Variants in CYTH1 observed in about 807,000 individuals in gnomAD.
CYTH1 encodes cytohesin 1.
CYTH1 carries 18 observed loss-of-function variants against 61.8 expected under a neutral mutation model. The ratio of observed to expected loss-of-function variants is 0.29; its 90% CI spans 0.20 to 0.43. CYTH1 has a LOEUF of 0.43. CYTH1 is among the 20% of genes least tolerant of loss of function. The probability of loss-of-function intolerance (pLI) is 1.00; values close to 1 mark genes in which losing one functional copy is unlikely to be tolerated. For missense variants in CYTH1, 336 were observed against 510.5 expected (o/e 0.66, Z 3.29); for synonymous variants, 174 against 184.3 (o/e 0.94, Z 0.45).
At chr17:78,721,795 G>A (rs2093231093) in intron 1 of CYTH1, among the ~76,000 whole-genome samples, 1 of 152,174 alleles carries the variant, frequency 6.6e-6, no homozygotes, top group Non-Finnish European at 1.5e-5. Flanking sequence ...TGTAATCCCA[G>A]CACTTTGGAA....
At chr17:78,725,327 C>T (rs1252185064) in intron 1 of CYTH1, among the ~76,000 whole-genome samples, 6 of 152,168 alleles carry the variant, frequency 3.9e-5, no homozygotes, top group South Asian at 2.1e-4. Flanking sequence ...TGATAAATTA[C>T]GTGATACAAA....
intron 1 of CYTH1, among the ~76,000 whole-genome samples, chr17:78,777,366 C>T (rs1022975359): frequency 3.3e-5 from 5 of 151,736 alleles, no homozygotes; most frequent in South Asian, 2.1e-4. Context: ...GGCAGTGAGC[C>T]GAGATTGCGC....
intron 11 of CYTH1, among the ~76,000 whole-genome samples, chr17:78,682,442 G>A (rs1205195535): frequency 6.6e-6 from 1 of 152,106 alleles, no homozygotes; most frequent in Non-Finnish European, 1.5e-5. Context: ...TTGATACTCG[G>A]TAAACTGCTT....
At chr17:78,720,476 G>A (rs1393756645) in intron 1 of CYTH1, among the ~76,000 whole-genome samples, 5 of 152,146 alleles carry the variant, frequency 3.3e-5, no homozygotes, top group South Asian at 4.1e-4. Context: ...CTGCCACCAC[G>A]CCCAGCTAAT....
chr17:78,727,555 G>A (rs375919195), intron 1 of CYTH1: 9 of 386,006 alleles, frequency 2.3e-5, no homozygotes, highest in Middle Eastern at 3.6e-4. Flanking sequence ...CCCCGAGTCC[G>A]GGTTTGCAAA....
At chr17:78,689,574 T>G (rs2092855192) in intron 11 of CYTH1, among the ~76,000 whole-genome samples, 1 of 152,176 alleles carries the variant, frequency 6.6e-6, no homozygotes, top group Non-Finnish European at 1.5e-5. Context: ...ACCGCTCGCC[T>G]GCCACTCACC....
At chr17:78,773,490 C>T (rs191158837) in intron 1 of CYTH1, among the ~76,000 whole-genome samples, 38 of 151,354 alleles carry the variant, frequency 2.5e-4, no homozygotes, top group African/African-American at 9.3e-4. Context: ...ATCAGCAGGG[C>T]ATGGTGGCGT....
chr17:78,751,613 T>C (rs1387655729), intron 1 of CYTH1, among the ~76,000 whole-genome samples: 4 of 152,192 alleles, frequency 2.6e-5, no homozygotes. Flanking sequence ...TTTTCACTGC[T>C]CTGTGAATGT....
At chr17:78,685,837 ATTCT>A (rs1172009976) in intron 11 of CYTH1, among the ~76,000 whole-genome samples, 1 of 152,180 alleles carries the variant, frequency 6.6e-6, no homozygotes, top group Non-Finnish European at 1.5e-5. Flanking sequence ...GTCTTGGGTC[ATTCT>A]TCTCTTCAAA....
At chr17:78,678,880 CAG>C (rs2092728860) in intron 13 of CYTH1, among the ~76,000 whole-genome samples, 2 of 152,248 alleles carry the variant, frequency 1.3e-5, no homozygotes, top group Non-Finnish European at 1.5e-5. Context: ...GCACTGCGCT[CAG>C]AGAGACAGAG....
intron 12 of CYTH1, among the ~76,000 whole-genome samples, chr17:78,680,763 A>G (rs1306635416): frequency 6.6e-6 from 1 of 152,224 alleles, no homozygotes; most frequent in African/African-American, 2.4e-5. Flanking sequence ...CCCATGTGAC[A>G]TTCACTAAGT....
At chr17:78,757,092 C>T (rs1049650135) in intron 1 of CYTH1, among the ~76,000 whole-genome samples, 6 of 149,084 alleles carry the variant, frequency 4.0e-5, no homozygotes, top group East Asian at 4.0e-4. Flanking sequence ...GGACTACAGA[C>T]GCCCGCCACC....
chr17:78,690,778 A>G (rs1376070242), intron 11 of CYTH1, among the ~76,000 whole-genome samples: 1 of 152,226 alleles, frequency 6.6e-6, no homozygotes, highest in African/African-American at 2.4e-5. Context: ...TTGCTGAATT[A>G]AGGATTAAGG....
At chr17:78,683,298 G>A (rs1214166964) in intron 11 of CYTH1, among the ~76,000 whole-genome samples, 2 of 152,014 alleles carry the variant, frequency 1.3e-5, no homozygotes, top group Admixed American at 6.6e-5. Context: ...TTGGCTGTTC[G>A]GCTGCTTTGG....
chr17:78,738,745 T>C (rs562257502), intron 1 of CYTH1, among the ~76,000 whole-genome samples: 3 of 152,236 alleles, frequency 2.0e-5, no homozygotes, highest in Admixed American at 1.3e-4. Context: ...TCAAAACCTA[T>C]GTTTAATGAT....
intron 1 of CYTH1, among the ~76,000 whole-genome samples, chr17:78,752,241 C>T (rs991097299): frequency 6.6e-6 from 1 of 152,074 alleles, no homozygotes; most frequent in Admixed American, 6.5e-5. Context: ...AGGTTTAGAG[C>T]TTGTGAGGAA....
intron 1 of CYTH1, among the ~76,000 whole-genome samples, chr17:78,720,891 AAAAT>A (rs1178597730): frequency 1.3e-5 from 2 of 152,228 alleles, no homozygotes; most frequent in African/African-American, 4.8e-5. Context: ...ATAAAAATAT[AAAAT>A]AAACAAAAAT....
At chr17:78,689,635 T>C (rs1177118730) in intron 11 of CYTH1, among the ~76,000 whole-genome samples, 2 of 152,158 alleles carry the variant, frequency 1.3e-5, no homozygotes, top group Non-Finnish European at 2.9e-5. Context: ...TACCGTCCTA[T>C]GGCCTGAGGT....
intron 12 of CYTH1, 93 bp downstream of exon 12, chr17:78,680,878 C>T (rs1020711823): frequency 1.6e-6 from 2 of 1,252,172 alleles, no homozygotes; most frequent in African/African-American, 3.0e-5. Flanking sequence ...CCTGATCACG[C>T]TTTTCAGTTT....
Sources: gnomAD v4.1 joint callset for allele counts (sites outside exome capture counted in the v4.1 genomes callset) on GRCh38, gnomAD v4.1.1 for gene constraint, MANE v1.5 for transcripts, NCBI Gene and HGNC (gene_info 2026-07-23, HGNC 2026-07-21) for gene names.